Variants in RANBP2 observed in about 807,000 individuals in gnomAD.
RANBP2 encodes E3 SUMO-protein ligase RanBP2.
RANBP2 carries 57 observed loss-of-function variants against 303.6 expected under a neutral mutation model. The ratio of observed to expected loss-of-function variants is 0.19; its 90% CI spans 0.15 to 0.23. RANBP2 has a LOEUF of 0.23. RANBP2 is among the 10% of genes least tolerant of loss of function. The probability of loss-of-function intolerance (pLI) is 1.00; values close to 1 mark genes in which losing one functional copy is unlikely to be tolerated. For missense variants in RANBP2, 3,138 were observed against 3,780.8 expected (o/e 0.83, Z 4.46); for synonymous variants, 1,167 against 1,301.5 (o/e 0.90, Z 2.23).
At chr2:109,387,311 G>C in the RANBP2 span, among the ~76,000 whole-genome samples, 1 of 152,206 alleles carries the variant, frequency 6.6e-6, no homozygotes, top group Non-Finnish European at 1.5e-5. Flanking sequence ...GGGGGATCCT[G>C]TTGTGTCCCT....
chr2:109,214,525 A>G, the RANBP2 span, among the ~76,000 whole-genome samples: 1 of 152,088 alleles, frequency 6.6e-6, no homozygotes, highest in African/African-American at 2.4e-5. Flanking sequence ...GGCGTAGAAG[A>G]CCTGTGAGAC....
chr2:109,530,885 TG>T, the RANBP2 span, among the ~76,000 whole-genome samples: 3 of 151,918 alleles, frequency 2.0e-5, no homozygotes, highest in Non-Finnish European at 4.4e-5. Context: ...GAGTGGCCAC[TG>T]CACATCTACG....
chr2:109,144,379 C>T, the RANBP2 span, among the ~76,000 whole-genome samples: 155 of 152,238 alleles, frequency 1.0e-3, 1 homozygote, highest in African/African-American at 3.5e-3. Flanking sequence ...TTAAAAAACA[C>T]ACAAAGCTGC....
chr2:108,907,825 C>G, the RANBP2 span: 2 of 1,612,688 alleles, frequency 1.2e-6, no homozygotes, highest in East Asian at 2.2e-5. Context: ...GGAGCCACAT[C>G]TCACAGCTCA....
the RANBP2 span, among the ~76,000 whole-genome samples, chr2:108,917,649 G>A: frequency 6.6e-6 from 1 of 152,236 alleles, no homozygotes. Flanking sequence ...AGACTAGAGG[G>A]GGGTCAAACG....
At position 108,767,306 on chromosome 2, in the gene RANBP2, A is replaced by G; in HGVS notation, c.6767A>G (p.Asn2256Ser). 3 of 1,612,040 alleles carry G rather than the reference A, an allele frequency of 1.9e-6. No individual in the cohort carries two copies. The highest frequency in any genetic ancestry group is 2.5e-6 in the Non-Finnish European group (3 of 1,179,872). The change falls in exon 20 of 29, where the codon AAT becomes AGT. Residue 2256 changes from asparagine (N) to serine (S), a missense_variant. By Grantham distance (46) the Asn-to-Ser change is conservative. Transcript: ENST00000283195. ...SPLASSPVRK[N>S]LFRFGESTTG... ...TTGGCAAGTAGCCCTGTGAGAAAAA[A>G]TCTTTTCCGTTTTGGTGAGTCAACA... is the stretch of plus-strand genomic sequence containing the variant.
At chr2:109,713,516 C>G in the RANBP2 span, among the ~76,000 whole-genome samples, 2 of 152,168 alleles carry the variant, frequency 1.3e-5, no homozygotes, top group Non-Finnish European at 2.9e-5. Flanking sequence ...GCTTCTTCAG[C>G]TAGAAATTGG....
At chr2:109,481,769 C>T in the RANBP2 span, among the ~76,000 whole-genome samples, 11 of 152,244 alleles carry the variant, frequency 7.2e-5, no homozygotes, top group African/African-American at 2.6e-4. Flanking sequence ...CACTCCTCGG[C>T]CTCCCCTCTG....
chr2:109,438,285 G>A, the RANBP2 span, among the ~76,000 whole-genome samples: 5 of 152,096 alleles, frequency 3.3e-5, no homozygotes, highest in African/African-American at 1.2e-4. Context: ...GCCCAGCATC[G>A]TCACTGGGTG....
the RANBP2 span, among the ~76,000 whole-genome samples, chr2:108,869,925 G>T: frequency 2.0e-5 from 3 of 152,154 alleles, no homozygotes; most frequent in African/African-American, 7.2e-5. Flanking sequence ...CTCATCCAAA[G>T]GAACAAAATA....
the RANBP2 span, among the ~76,000 whole-genome samples, chr2:109,125,224 C>T: frequency 6.6e-6 from 1 of 152,194 alleles, no homozygotes; most frequent in Admixed American, 6.5e-5. Flanking sequence ...CACGTCCCTC[C>T]ACCTCCCAGA....
the RANBP2 span, among the ~76,000 whole-genome samples, chr2:109,277,899 G>A: frequency 6.6e-6 from 1 of 152,116 alleles, no homozygotes; most frequent in Non-Finnish European, 1.5e-5. Flanking sequence ...TTCAGGCCGG[G>A]TGTGGTGGCT....
At chr2:109,687,575 G>A in the RANBP2 span, among the ~76,000 whole-genome samples, 23 of 152,086 alleles carry the variant, frequency 1.5e-4, no homozygotes, top group African/African-American at 4.6e-4. Context: ...GGGAAACCTG[G>A]CTCTCCTCGA....
the RANBP2 span, among the ~76,000 whole-genome samples, chr2:109,078,098 A>ATATATATATATATATATAGCGTG: frequency 6.5e-4 from 39 of 60,048 alleles, no homozygotes; most frequent in African/African-American, 1.6e-3. Context: ...ATATATATAT[A>ATATATATATATATATATAGCGTG]TATATATATA....
the RANBP2 span, among the ~76,000 whole-genome samples, chr2:109,414,992 A>T: frequency 6.6e-6 from 1 of 152,354 alleles, no homozygotes; most frequent in South Asian, 2.1e-4. Flanking sequence ...CACCGCAGCC[A>T]CAAAGGCCCT....
chr2:108,948,691 A>G, the RANBP2 span, among the ~76,000 whole-genome samples: 1 of 152,190 alleles, frequency 6.6e-6, no homozygotes, highest in African/African-American at 2.4e-5. Context: ...CTAACTCAAT[A>G]TCATGAGAAC....
chr2:108,818,763 A>G, the RANBP2 span, among the ~76,000 whole-genome samples: 1 of 152,188 alleles, frequency 6.6e-6, no homozygotes, highest in South Asian at 2.1e-4. Flanking sequence ...ATACTAGTAT[A>G]ACTCAAAATA....
the RANBP2 span, among the ~76,000 whole-genome samples, chr2:108,995,095 G>T: frequency 2.0e-4 from 30 of 152,226 alleles, 1 homozygote; most frequent in South Asian, 5.4e-3. Context: ...CTCCCAAAGT[G>T]CTGGGATTAC....
At chr2:109,653,842 C>T in the RANBP2 span, among the ~76,000 whole-genome samples, 1 of 152,166 alleles carries the variant, frequency 6.6e-6, no homozygotes, top group Non-Finnish European at 1.5e-5. Flanking sequence ...AGGGCCTTTT[C>T]TAGCTCTTCA....
Sources: allele counts gnomAD v4.1 joint callset (sites outside exome capture counted in the v4.1 genomes callset), GRCh38; gene constraint gnomAD v4.1.1; transcripts MANE v1.5; gene names NCBI Gene and HGNC (gene_info 2026-07-23, HGNC 2026-07-21).